GALNT14: variants seen among roughly 807,000 people sequenced by gnomAD.
GALNT14 encodes the protein UDP-GalNAc:polypeptide N-acetylgalactosaminyltransferase 14.
GALNT14 carries 60 observed loss-of-function variants against 77.5 expected under a neutral mutation model. That is an observed-to-expected ratio of 0.77 (90% CI 0.63 to 0.96). The LOEUF is 0.96. GALNT14 is among the 40% of genes least tolerant of loss of function. GALNT14 has a pLI of 0.00. For missense variants in GALNT14, 710 were observed against 731.0 expected, an observed-to-expected ratio of 0.97 and a Z score of 0.33; for synonymous variants, 280 against 281.7, an observed-to-expected ratio of 0.99 and a Z score of 0.06.
At chr2:31,045,381 G>A (rs1163103086) in intron 1 of GALNT14, among the ~76,000 whole-genome samples, 3 of 152,168 alleles carry the variant, frequency 2.0e-5, no homozygotes. Context: ...AAGGATCAAA[G>A]TCTTTTCAAC....
At chr2:31,052,959 T>TC (rs1673979920) in intron 1 of GALNT14, among the ~76,000 whole-genome samples, 2 of 152,136 alleles carry the variant, frequency 1.3e-5, no homozygotes, top group African/African-American at 4.8e-5. Flanking sequence ...ACAGCATCAG[T>TC]CCTTGCTTGT....
Position 30,911,012 on chromosome 2 carries a change from G to A in GALNT14, c.1548C>T (p.Leu516=). Reference sequence around the variant, plus strand: ...CACCGAACATATCTGTATCGAGGCAGAGGTGGGATGCTATGTGCTCGATGT... The same window carrying A: ...CACCGAACATATCTGTATCGAGGCAAAGGTGGGATGCTATGTGCTCGATGT... The part of the protein sequence containing the change: ...GSHIEHIASH[L]CLDTDMFGDG... The change falls in exon 15 of 15, where the codon CTC becomes CTT. Residue 516 remains leucine (L), a synonymous_variant. Coordinates refer to ENST00000349752, the MANE Select transcript of GALNT14 (RefSeq NM_024572.4). 1.2e-6 allele frequency: 2 copies of A among 1,614,088 alleles called. No homozygotes were observed. The highest frequency in any genetic ancestry group is 1.7e-6 in the Non-Finnish European group (2 of 1,180,024).
chr2:31,071,134 C>A (rs1675336172), intron 1 of GALNT14, among the ~76,000 whole-genome samples: 1 of 152,174 alleles, frequency 6.6e-6, no homozygotes, highest in Admixed American at 6.5e-5. Context: ...TAAAAGACTA[C>A]AAACTGGGTT....
intron 1 of GALNT14, among the ~76,000 whole-genome samples, chr2:31,130,242 GC>G (rs1678909908): frequency 6.6e-6 from 1 of 152,246 alleles, no homozygotes; most frequent in Non-Finnish European, 1.5e-5. Context: ...AGCGATAAGG[GC>G]TCCTGCTGAT....
chr2:31,046,365 T>A (rs1267601266), intron 1 of GALNT14, among the ~76,000 whole-genome samples: 1 of 152,106 alleles, frequency 6.6e-6, no homozygotes, highest in African/African-American at 2.4e-5. Context: ...TAGCTGGGAT[T>A]ACAGGTGCGT....
rs769094837 is a variant in GALNT14, at chr2:30,910,936, G to A, written c.1624C>T (p.Leu542Phe). 1.9e-6 allele frequency: 3 copies of A among 1,613,972 alleles called. No individual in the cohort carries two copies. The highest frequency in any genetic ancestry group is 1.7e-5 in the Admixed American group (1 of 60,008). Residue 542 changes from leucine to phenylalanine, a missense_variant, in exon 15 of 15, where the codon CTC becomes TTC. Leu to Phe is a conservative substitution (Grantham distance 22, BLOSUM62 0). Coordinates refer to ENST00000349752, the MANE Select transcript of GALNT14 (RefSeq NM_024572.4). ...ACCATGTCCCAGTGCTGGCTCATGA[G>A]TGAGGACTCACATGGGTTGACGACG... is the stretch of plus-strand genomic sequence containing the variant. Reference protein sequence around the residue: ...EIVVNPCESSLMSQHWDMVSS With the variant: ...EIVVNPCESSFMSQHWDMVSS
At chr2:31,097,464 A>G (rs1166528366) in intron 1 of GALNT14, among the ~76,000 whole-genome samples, 1 of 151,790 alleles carries the variant, frequency 6.6e-6, no homozygotes, top group African/African-American at 2.4e-5. Context: ...GGCATGTGAG[A>G]TATGAAGGCA....
the GALNT14 span, among the ~76,000 whole-genome samples, chr2:30,900,421 TG>T: frequency 9.5e-4 from 144 of 152,362 alleles, no homozygotes; most frequent in Middle Eastern, 3.4e-3. Flanking sequence ...CTCGGTCCTC[TG>T]TTTCTGCTTT....
chr2:31,091,102 G>A (rs185795377), intron 1 of GALNT14, among the ~76,000 whole-genome samples: 46 of 152,236 alleles, frequency 3.0e-4, no homozygotes, highest in Admixed American at 2.8e-3. Context: ...GACTGGGGGA[G>A]GTAATCAGGA....
At chr2:31,010,286 C>A (rs569397857) in intron 1 of GALNT14, among the ~76,000 whole-genome samples, 1 of 152,144 alleles carries the variant, frequency 6.6e-6, no homozygotes, top group African/African-American at 2.4e-5. Flanking sequence ...CTGCGCCTGG[C>A]CCAAAGTCGC....
chr2:31,059,297 C>CATTTCT (rs1674437175), intron 1 of GALNT14, among the ~76,000 whole-genome samples: 1 of 152,078 alleles, frequency 6.6e-6, no homozygotes, highest in Admixed American at 6.6e-5. Context: ...AATCACAGCC[C>CATTTCT]ATTTCTATTT....
the GALNT14 span, among the ~76,000 whole-genome samples, chr2:30,900,134 G>A: frequency 9.2e-5 from 14 of 152,316 alleles, no homozygotes; most frequent in Non-Finnish European, 1.6e-4. Flanking sequence ...TTGAAGGCCA[G>A]CCAGGACTCG....
intron 1 of GALNT14, among the ~76,000 whole-genome samples, chr2:31,083,052 T>A (rs1676234378): frequency 6.6e-6 from 1 of 152,100 alleles, no homozygotes; most frequent in East Asian, 1.9e-4. Context: ...AGAAATCTAC[T>A]ACTATTAATA....
intron 11 of GALNT14, among the ~76,000 whole-genome samples, chr2:30,928,334 A>G (rs1362803200): frequency 1.3e-5 from 2 of 152,198 alleles, no homozygotes; most frequent in Non-Finnish European, 2.9e-5. Context: ...TTGCCCCCAA[A>G]GAAACATAAA....
At position 30,942,280 on chromosome 2, in the gene GALNT14, G is replaced by A; in HGVS notation, c.852C>T (p.Leu284=). Reference sequence around the variant, plus strand: ...CAAACCAAGCTTTGTCGATCACGAAGAGCCCTCCAGCTATGATAGGAGTCC... The same window carrying A: ...CAAACCAAGCTTTGTCGATCACGAAAAGCCCTCCAGCTATGATAGGAGTCC... ...PIRTPIIAGG[L]FVIDKAWFDY... is the part of the protein sequence containing the mutation. The change falls in exon 9 of 15, where the codon CTC becomes CTT. Residue 284 remains leucine, a synonymous_variant. Coordinates refer to ENST00000349752, the MANE Select transcript of GALNT14 (RefSeq NM_024572.4). 1 of 1,614,060 alleles carries A rather than the reference G, an allele frequency of 6.2e-7. No individual in the cohort carries two copies. Among genetic ancestry groups the A allele is most frequent in the Non-Finnish European group, 8.5e-7 (1 of 1,179,960 alleles).
chr2:30,972,230 G>C (rs1668400193), intron 2 of GALNT14, among the ~76,000 whole-genome samples: 1 of 152,222 alleles, frequency 6.6e-6, no homozygotes, highest in Non-Finnish European at 1.5e-5. Flanking sequence ...CTCTGGAATT[G>C]ACAATGGCTC....
chr2:30,929,274 T>C, intron 11 of GALNT14, 121 bp downstream of exon 11: 2 of 681,962 alleles, frequency 2.9e-6, no homozygotes, highest in Non-Finnish European at 5.2e-6. Flanking sequence ...AGCCACAGCC[T>C]TGGGCCCTGC....
chr2:31,015,440 G>T (rs900460434), intron 1 of GALNT14, among the ~76,000 whole-genome samples: 4 of 152,102 alleles, frequency 2.6e-5, no homozygotes, highest in Non-Finnish European at 5.9e-5. Context: ...CTTATAAAAA[G>T]GGTCCGGAAA....
chr2:30,886,915 C>A, the GALNT14 span, among the ~76,000 whole-genome samples: 1 of 152,224 alleles, frequency 6.6e-6, no homozygotes, highest in East Asian at 1.9e-4. Context: ...TTCCATTTCC[C>A]CAAGCCCCTG....
Sources: allele counts gnomAD v4.1 joint callset (sites outside exome capture counted in the v4.1 genomes callset), GRCh38; gene constraint gnomAD v4.1.1; transcripts MANE v1.5; gene names NCBI Gene and HGNC (gene_info 2026-07-23, HGNC 2026-07-21).